The following ARFIP1 variants were observed in gnomAD, a reference collection of about 807,000 sequenced individuals.
ARFIP1 encodes arfaptin-1.
A neutral mutation model predicts 42.5 loss-of-function variants in ARFIP1; 24 were observed. That is an observed-to-expected ratio of 0.57 (90% CI 0.41 to 0.80). The LOEUF (loss-of-function observed/expected upper bound fraction) is 0.80, where lower values mean the gene tolerates loss of function less well. Among genes scored for constraint, ARFIP1 ranks in the 30% least tolerant of loss-of-function variants. The pLI is 0.00. For synonymous variants in ARFIP1, 141 were observed against 153.7 expected, an observed-to-expected ratio of 0.92 and a Z score of 0.61; for missense variants, 354 against 434.0, an observed-to-expected ratio of 0.82 and a Z score of 1.64.
chr4:152,803,802 C>A (rs2149824983), intron 1 of ARFIP1, among the ~76,000 whole-genome samples: 1 of 151,456 alleles, frequency 6.6e-6, no homozygotes, highest in African/African-American at 2.4e-5. Flanking sequence ...GAGGTTAATG[C>A]ATCAGTCTGC....
chr4:152,880,334 G>C lies in ARFIP1; in HGVS notation c.412-629G>C, dbSNP rs149289283. Among the ~76,000 whole-genome samples, 111 of 147,166 alleles carry C rather than the reference G, an allele frequency of 7.5e-4. 1 individual carries two copies. The East Asian group carries it at 0.02, about 27-fold the overall frequency. On this transcript the variant is annotated intron_variant, in intron 5 of 8. Coordinates refer to ENST00000353617, the MANE Select transcript of ARFIP1 (RefSeq NM_001025595.3). ...CTTCATCCAGCCTGGGCAATAGAGA[G>C]AGACTCCATCTCAGACAAAAAAAAA...
chr4:152,843,473 A>G (rs1732267837), intron 2 of ARFIP1, among the ~76,000 whole-genome samples: 1 of 150,430 alleles, frequency 6.6e-6, no homozygotes, highest in Non-Finnish European at 1.5e-5. Flanking sequence ...GCACTGCCCT[A>G]GAACTCCCAG....
intron 2 of ARFIP1, among the ~76,000 whole-genome samples, chr4:152,843,780 G>A (rs1732307391): frequency 6.6e-6 from 1 of 152,160 alleles, no homozygotes; most frequent in African/African-American, 2.4e-5. Flanking sequence ...CCCACCAACA[G>A]CCCTGAGTCT....
intron 2 of ARFIP1, among the ~76,000 whole-genome samples, chr4:152,835,861 A>G (rs750549211): frequency 2.0e-5 from 3 of 152,208 alleles, no homozygotes; most frequent in South Asian, 4.1e-4. Flanking sequence ...GAAGTTTCCA[A>G]TCATAAGTGG....
intron 3 of ARFIP1, among the ~76,000 whole-genome samples, chr4:152,864,419 C>T (rs74540728): frequency 0.022 from 3,388 of 152,266 alleles, 117 homozygotes; most frequent in African/African-American, 0.077. Context: ...GTAGCAAGCA[C>T]GATCAGTAAA....
intron 1 of ARFIP1, among the ~76,000 whole-genome samples, chr4:152,794,375 G>A (rs1456777020): frequency 6.6e-6 from 1 of 152,110 alleles, no homozygotes; most frequent in Non-Finnish European, 1.5e-5. Context: ...CGCAGTTTAG[G>A]TTTGTCTGAT....
At chr4:152,785,817 T>TCAA (rs1441870659) in intron 1 of ARFIP1, among the ~76,000 whole-genome samples, 1 of 152,200 alleles carries the variant, frequency 6.6e-6, no homozygotes, top group Non-Finnish European at 1.5e-5. Flanking sequence ...TTTAAGTTAG[T>TCAA]TAAAATTAAA....
intron 1 of ARFIP1, among the ~76,000 whole-genome samples, chr4:152,802,982 T>C (rs1728544832): frequency 1.3e-5 from 2 of 152,154 alleles, no homozygotes; most frequent in Admixed American, 1.3e-4. Flanking sequence ...AGCCCTGCCT[T>C]GGGCAGCTAC....
At chr4:152,857,869 C>G (rs1268723423) in intron 2 of ARFIP1, among the ~76,000 whole-genome samples, 1 of 152,188 alleles carries the variant, frequency 6.6e-6, no homozygotes, top group Non-Finnish European at 1.5e-5. Context: ...TTCCTATGTC[C>G]CCACCCCCCA....
chr4:152,859,714 C>T (rs1489553738), intron 2 of ARFIP1, among the ~76,000 whole-genome samples: 1 of 151,924 alleles, frequency 6.6e-6, no homozygotes, highest in Non-Finnish European at 1.5e-5. Flanking sequence ...AACTCATCAC[C>T]TTCCCTTTAA....
chr4:152,800,767 A>G (rs941700068), intron 1 of ARFIP1, among the ~76,000 whole-genome samples: 2 of 152,172 alleles, frequency 1.3e-5, no homozygotes, highest in Non-Finnish European at 2.9e-5. Flanking sequence ...CAGATCCTGC[A>G]TCCAAGGTCG....
intron 1 of ARFIP1, among the ~76,000 whole-genome samples, chr4:152,783,358 T>C (rs1730615805): frequency 2.6e-5 from 4 of 152,174 alleles, no homozygotes. Context: ...AGTTTCCTTT[T>C]AAGGTAATGA....
At chr4:152,890,756 T>C (rs773332735) in intron 8 of ARFIP1, among the ~76,000 whole-genome samples, 55 of 152,120 alleles carry the variant, frequency 3.6e-4, no homozygotes, top group Non-Finnish European at 6.0e-4. Flanking sequence ...TTTGATGATG[T>C]GTGTTTAGAG....
chr4:152,900,306 T>C (rs575122004), intron 8 of ARFIP1, among the ~76,000 whole-genome samples: 1 of 152,308 alleles, frequency 6.6e-6, no homozygotes, highest in Admixed American at 6.5e-5. Context: ...TAAAGAATTA[T>C]AAGACGTCAC....
At chr4:152,889,774 CTA>C (rs1296430021) in intron 8 of ARFIP1, among the ~76,000 whole-genome samples, 596 of 35,900 alleles carry the variant, frequency 0.017, 11 homozygotes, top group African/African-American at 0.08. Context: ...ATACTATATA[CTA>C]TATATACTAT....
intron 1 of ARFIP1, among the ~76,000 whole-genome samples, chr4:152,786,180 T>A (rs1730793962): frequency 6.6e-6 from 1 of 152,256 alleles, no homozygotes; most frequent in East Asian, 1.9e-4. Flanking sequence ...GCTGCTTTTC[T>A]AGGATAAAGA....
At chr4:152,794,273 C>T (rs1487731873) in intron 1 of ARFIP1, among the ~76,000 whole-genome samples, 3 of 152,140 alleles carry the variant, frequency 2.0e-5, no homozygotes, top group Non-Finnish European at 4.4e-5. Context: ...AGCAATTTCT[C>T]CGTAGTCTCT....
At chr4:152,905,545 G>GTTTTTTCTTTTTT (rs1738254442) in intron 8 of ARFIP1, among the ~76,000 whole-genome samples, 1 of 30,372 alleles carries the variant, frequency 3.3e-5, no homozygotes, top group African/African-American at 1.2e-4. Context: ...TGTAAGAATT[G>GTTTTTTCTTTTTT]TTTTTTTTTT....
intron 3 of ARFIP1, among the ~76,000 whole-genome samples, chr4:152,867,501 GGAGACCGTGGGGAGAGGGAGAGAGGT>G (rs1561155497): frequency 2.0e-5 from 3 of 152,082 alleles, no homozygotes. Context: ...AGAGGGAGAG[GGAGACCGTGGGGAGAGGGAGAGAGGT>G]GAGACGGGAG....
Sources: gnomAD v4.1 joint callset for allele counts (sites outside exome capture counted in the v4.1 genomes callset) on GRCh38, gnomAD v4.1.1 for gene constraint, MANE v1.5 for transcripts, NCBI Gene and HGNC (gene_info 2026-07-23, HGNC 2026-07-21) for gene names.